ZNF84: variants seen among roughly 807,000 people sequenced by gnomAD.
ZNF84 encodes the protein zinc finger protein HPF2.
ZNF84 carries 12 observed loss-of-function variants against 14.8 expected under a neutral mutation model. The observed-to-expected ratio is 0.81, with a 90% confidence interval of 0.52 to 1.31. The LOEUF (loss-of-function observed/expected upper bound fraction) is 1.31. Among genes scored for constraint, ZNF84 ranks in the 50% most tolerant of loss-of-function variants. ZNF84 has a pLI of 0.00. For missense variants in ZNF84, 859 were observed against 878.6 expected (o/e 0.98, Z 0.28); for synonymous variants, 347 against 291.1 (o/e 1.19, Z -1.96).
At chr12:133,050,410 C>T in intron 4 of ZNF84, 1 of 398,294 alleles carries the variant, frequency 2.5e-6, no homozygotes, top group Non-Finnish European at 4.4e-6. Context: ...CTTATGCTTT[C>T]AGCTCAAGAA....
chr12:133,048,088 A>C lies in ZNF84; in HGVS notation c.142+7A>C. ...AGCAGCCTAGTGTCACTGGGTAATA[A>C]AAGCTTTCTTGAGGACCTTGGACTA... On this transcript the variant is annotated splice_region_variant and intron_variant, in intron 3 of 4. Coordinates refer to ENST00000539354, the MANE Select transcript of ZNF84 (RefSeq NM_001289971.2). 1.2e-6 allele frequency: 2 copies of C among 1,612,726 alleles called. No individual in the cohort carries two copies. Among genetic ancestry groups the C allele is most frequent in the Non-Finnish European group, 1.7e-6 (2 of 1,179,132 alleles).
At chr12:133,042,168 C>G (rs1474721416) in intron 2 of ZNF84, among the ~76,000 whole-genome samples, 2 of 152,128 alleles carry the variant, frequency 1.3e-5, no homozygotes, top group African/African-American at 4.8e-5. Context: ...TATTGCAGTG[C>G]TTGTATTTTA....
At position 133,056,923 on chromosome 12, in the gene ZNF84, A is replaced by G. The variant is rs1187207935; in HGVS notation, c.239-31A>G. On this transcript the variant is annotated intron_variant, in intron 4 of 4. Transcript: ENST00000539354. ...TTTTGTTTTGTTTTTAGAAAGCACA[A>G]CCAAACAGATTGTTTTTGTTTCCTT... The G allele has an allele frequency of 1.2e-4, 180 of 1,529,116 alleles. 1 individual carries two copies. The highest frequency in any genetic ancestry group is 1.5e-4 in the Non-Finnish European group (171 of 1,143,518). The allele number at this position is 1,529,116 out of a possible 1,614,324, so 94.7% of individuals were successfully genotyped here.
chr12:133,048,604 G>A, intron 3 of ZNF84, 149 bp from the exon 4 acceptor site: 3 of 566,438 alleles, frequency 5.3e-6, no homozygotes, highest in Non-Finnish European at 6.3e-6. Flanking sequence ...TAGCCACCAA[G>A]GGAGACCGTT....
intron 4 of ZNF84, among the ~76,000 whole-genome samples, chr12:133,055,844 A>G (rs1954145950): frequency 6.6e-6 from 1 of 152,140 alleles, no homozygotes; most frequent in Non-Finnish European, 1.5e-5. Context: ...CACACCTGTA[A>G]CCCAGAACTT....
Position 133,061,632 on chromosome 12 carries a change from A to G in ZNF84, c.*2700A>G, listed in dbSNP as rs2137441159. ...CACCATTCTCTTTCCAATCCCAGAGATTGATTTATTAGGTCTTGGAAATTC... is the reference window on the plus strand; with the variant it reads ...CACCATTCTCTTTCCAATCCCAGAGGTTGATTTATTAGGTCTTGGAAATTC... On this transcript the variant is annotated 3_prime_UTR_variant, in exon 5 of 5. Transcript: ENST00000539354. 6.6e-6 allele frequency: 1 copy of G among 152,034 alleles called. No individual in the cohort carries two copies. Among genetic ancestry groups the G allele is most frequent in the East Asian group, 1.9e-4 (1 of 5,184 alleles). 9.4% of individuals were successfully genotyped at this position (152,034 alleles called of 1,614,324 possible). A position where few individuals can be genotyped will look rare whatever the true frequency, so the allele number is the denominator to read the frequency against.
At position 133,058,428 on chromosome 12, in the gene ZNF84, TG is replaced by T. The variant is rs1954200027; in HGVS notation, c.1714del (p.Glu572AsnfsTer15). ...QRTHTGEKPY[E>X]CRDCEKAFSQ... ...GAACTCATACTGGAGAAAAACCGTATGAATGCAGGGACTGTGAAAAAGCTTT... is the reference window on the plus strand; with the variant it reads ...GAACTCATACTGGAGAAAAACCGTATAATGCAGGGACTGTGAAAAAGCTTT... On this transcript the variant is annotated frameshift_variant, in exon 5 of 5. Transcript: ENST00000539354. LOFTEE classifies it low-confidence loss of function (END_TRUNC). 1 of 1,613,902 alleles carries T rather than the reference TG, an allele frequency of 6.2e-7. No individual in the cohort carries two copies. Among genetic ancestry groups the T allele is most frequent in the African/African-American group, 1.3e-5 (1 of 74,874 alleles).
chr12:133,054,732 AT>A (rs1403138881), intron 4 of ZNF84, among the ~76,000 whole-genome samples: 1 of 151,978 alleles, frequency 6.6e-6, no homozygotes, highest in Non-Finnish European at 1.5e-5. Context: ...TTATTTTTCA[AT>A]TAAAAATACA....
Position 133,061,419 on chromosome 12 carries a change from T to C in ZNF84, c.*2487T>C, listed in dbSNP as rs1163107976. On this transcript the variant is annotated 3_prime_UTR_variant, in exon 5 of 5. Transcript: ENST00000539354. ...TGAACCTGAGAGGCAGAGGTTGCAG[T>C]GAGCCAAGATTGTGCAGCCTGGGCG... The C allele has an allele frequency of 2.0e-5, 3 of 152,178 alleles. No homozygotes were observed. Among genetic ancestry groups the C allele is most frequent in the Non-Finnish European group, 4.4e-5 (3 of 68,034 alleles). The allele number at this position is 152,178 out of a possible 1,614,324, so 9.4% of individuals were successfully genotyped here.
At chr12:133,051,809 A>G (rs1954074593) in intron 4 of ZNF84, among the ~76,000 whole-genome samples, 1 of 152,128 alleles carries the variant, frequency 6.6e-6, no homozygotes, top group African/African-American at 2.4e-5. Flanking sequence ...CCTGAAACCC[A>G]TGTTCTCAGA....
chr12:133,056,619 CAG>C (rs1455393046), intron 4 of ZNF84, among the ~76,000 whole-genome samples: 1 of 152,168 alleles, frequency 6.6e-6, no homozygotes, highest in African/African-American at 2.4e-5. Flanking sequence ...AGTGTATACT[CAG>C]AAAGTATTGA....
intron 2 of ZNF84, 123 bp downstream of exon 2, chr12:133,041,605 G>T (rs891734652): frequency 5.7e-5 from 58 of 1,011,858 alleles, no homozygotes; most frequent in Admixed American, 4.4e-4. Flanking sequence ...AGATGATCAG[G>T]ATTGGAACAA....
At chr12:133,040,402 GAAA>G (rs1217037074) in intron 1 of ZNF84, 17 of 151,050 alleles carry the variant, frequency 1.1e-4, no homozygotes, top group African/African-American at 4.1e-4. Context: ...TCTCTACAAA[GAAA>G]AAAAATACAA....
rs1266675221 is a variant in ZNF84, at chr12:133,059,831, A to T, written c.*899A>T. ...ACATGAATAAGTACCTTAAGTGATA[A>T]CCCGTTTCTTTTAACTTATAGACAT... is the stretch of plus-strand genomic sequence containing the variant. On this transcript the variant is annotated 3_prime_UTR_variant, in exon 5 of 5. Coordinates refer to ENST00000539354, the MANE Select transcript of ZNF84 (RefSeq NM_001289971.2). 1 of 152,138 alleles carries T rather than the reference A, an allele frequency of 6.6e-6. No homozygotes were observed. Among genetic ancestry groups the T allele is most frequent in the Non-Finnish European group, 1.5e-5 (1 of 68,018 alleles). 9.4% of individuals were successfully genotyped at this position (152,138 alleles called of 1,614,324 possible).
At position 133,059,140 on chromosome 12, in the gene ZNF84, A is replaced by G. The variant is rs1289700087; in HGVS notation, c.*208A>G. 3.8e-6 allele frequency: 2 copies of G among 533,080 alleles called. No homozygotes were observed. Among genetic ancestry groups the G allele is most frequent in the South Asian group, 3.2e-5 (1 of 30,896 alleles). The allele number at this position is 533,080 out of a possible 1,614,324, so 33.0% of individuals were successfully genotyped here. ...GTGGATCTCAAAAACTTTTAAAACC[A>G]TAGACAAGCCTTATAGAGTAGAACA... On this transcript the variant is annotated 3_prime_UTR_variant, in exon 5 of 5. Transcript: ENST00000539354.
At chr12:133,044,931 A>G (rs1953953298) in intron 2 of ZNF84, among the ~76,000 whole-genome samples, 1 of 151,898 alleles carries the variant, frequency 6.6e-6, no homozygotes, top group Non-Finnish European at 1.5e-5. Context: ...AAAAGAATAT[A>G]GCTATCTCGT....
intron 4 of ZNF84, among the ~76,000 whole-genome samples, chr12:133,056,263 T>C (rs1237918475): frequency 6.6e-6 from 1 of 152,148 alleles, no homozygotes; most frequent in Non-Finnish European, 1.5e-5. Context: ...TTTTTATTTT[T>C]ATTTTTTTGA....
intron 4 of ZNF84, among the ~76,000 whole-genome samples, chr12:133,051,276 C>T (rs1026239922): frequency 2.6e-5 from 4 of 152,030 alleles, no homozygotes; most frequent in Non-Finnish European, 4.4e-5. Flanking sequence ...AAGCATAACA[C>T]TTAGTTAAGA....
intron 1 of ZNF84, among the ~76,000 whole-genome samples, chr12:133,039,281 T>G (rs1421871330): frequency 3.3e-5 from 5 of 152,198 alleles, no homozygotes; most frequent in Non-Finnish European, 7.3e-5. Flanking sequence ...CTTGTTAGTG[T>G]GATACAGTTG....
Sources: gnomAD v4.1 joint callset for allele counts (sites outside exome capture counted in the v4.1 genomes callset) on GRCh38, gnomAD v4.1.1 for gene constraint, MANE v1.5 for transcripts, NCBI Gene and HGNC (gene_info 2026-07-23, HGNC 2026-07-21) for gene names.